Variants in NCF4 observed in about 807,000 individuals in gnomAD.
NCF4 encodes the protein neutrophil cytosol factor 4.
Under a neutral mutation model 41.7 loss-of-function variants are expected in NCF4, and 30 were observed. That is an observed-to-expected ratio of 0.72 (90% CI 0.54 to 0.97). The LOEUF (loss-of-function observed/expected upper bound fraction) is 0.97. Ranked by LOEUF, NCF4 falls within the 50% of genes least tolerant of loss-of-function variation. The probability of loss-of-function intolerance (pLI) is 0.00; values close to 1 mark genes in which losing one functional copy is unlikely to be tolerated. For synonymous variants in NCF4, 195 were observed against 175.8 expected, an observed-to-expected ratio of 1.11 and a Z score of -0.87; for missense variants, 432 against 460.9, an observed-to-expected ratio of 0.94 and a Z score of 0.57.
At chr22:36,863,964 T>C in intron 1 of NCF4, 81 bp from the exon 2 acceptor site, 3 of 1,335,522 alleles carry the variant, frequency 2.2e-6, no homozygotes, top group South Asian at 2.3e-5. Context: ...TTAGTTTGCT[T>C]TGCACTCTAC....
At chr22:36,875,577 C>A (rs532614397) in intron 7 of NCF4, 76 bp from the exon 8 acceptor site, 13 of 1,378,218 alleles carry the variant, frequency 9.4e-6, no homozygotes, top group Non-Finnish European at 1.2e-5. Context: ...ATCACTAGAA[C>A]GGGGCTGAGG....
At chr22:36,870,122 T>C (rs1035857898) in intron 4 of NCF4, 1 of 456,470 alleles carries the variant, frequency 2.2e-6, no homozygotes, top group Non-Finnish European at 4.1e-6. Context: ...GTCATGTTAG[T>C]TGTCATCACC....
rs567148251 is a variant in NCF4 at position 36,870,336 on chromosome 22, C to T, written c.343-79C>T. ...AGAGAGGAGGGCTGATGTCAGGGCTCGGGGACGGGACATCTAGGCTGGGGT... is the reference window on the plus strand; with the variant it reads ...AGAGAGGAGGGCTGATGTCAGGGCTTGGGGACGGGACATCTAGGCTGGGGT... On this transcript the variant is annotated intron_variant, in intron 4 of 9. Transcript: ENST00000248899. 2.0e-4 allele frequency: 320 copies of T among 1,598,886 alleles called. 9 individuals carry two copies. In the South Asian group the frequency reaches 3.4e-3, roughly 17 times the overall value.
At chr22:36,867,943 T>C (rs1939967446) in intron 4 of NCF4, among the ~76,000 whole-genome samples, 2 of 152,330 alleles carry the variant, frequency 1.3e-5, no homozygotes, top group South Asian at 4.1e-4. Flanking sequence ...CTGGGACAAC[T>C]CACTCCCTTA....
Position 36,872,343 on chromosome 22 carries a change from C to T in NCF4, c.545C>T (p.Thr182Ile), listed in dbSNP as rs992895115. Reference sequence around the variant, plus strand: ...TCTCCTCAGGCTCTATTTGACTTCACTGGAAACAGCAAACTGGAGCTGAAT... The same window carrying T: ...TCTCCTCAGGCTCTATTTGACTTCATTGGAAACAGCAAACTGGAGCTGAAT... ...APRAEALFDFTGNSKLELNFK... is the reference protein window; with the variant it reads ...APRAEALFDFIGNSKLELNFK... The change falls in exon 7 of 10, where the codon ACT becomes ATT. Residue 182 changes from threonine to isoleucine, a missense_variant. By Grantham distance (89) the Thr-to-Ile change is moderately conservative. Coordinates refer to ENST00000248899, the MANE Select transcript of NCF4 (RefSeq NM_000631.5). 1.2e-6 allele frequency: 2 copies of T among 1,611,206 alleles called. No homozygotes were observed. The highest frequency in any genetic ancestry group is 8.5e-7 in the Non-Finnish European group (1 of 1,177,352).
Position 36,874,485 on chromosome 22 carries a change from T to C in NCF4, c.628-1168T>C, listed in dbSNP as rs1476192989. Among the ~76,000 whole-genome samples the C allele has an allele frequency of 2.6e-5, 4 of 152,304 alleles. No homozygotes were observed. The East Asian group carries it at 7.7e-4, about 29-fold the overall frequency. On this transcript the variant is annotated intron_variant, in intron 7 of 9. Coordinates refer to ENST00000248899, the MANE Select transcript of NCF4 (RefSeq NM_000631.5). Reference sequence around the variant, plus strand: ...AGCAGTTTCCATTTTACCCTAATCATAGATCTCCATCTCAGGAACTCAGGG... The same window carrying C: ...AGCAGTTTCCATTTTACCCTAATCACAGATCTCCATCTCAGGAACTCAGGG...
intron 4 of NCF4, among the ~76,000 whole-genome samples, chr22:36,868,586 G>C (rs555513264): frequency 1.6e-4 from 24 of 151,896 alleles, no homozygotes; most frequent in South Asian, 6.2e-4. Flanking sequence ...GAGCTGGGTG[G>C]GCTCCAGCTG....
At chr22:36,869,517 G>A (rs772605933) in intron 4 of NCF4, among the ~76,000 whole-genome samples, 5 of 152,020 alleles carry the variant, frequency 3.3e-5, no homozygotes, top group East Asian at 1.9e-4. Flanking sequence ...AGTTCCTCTC[G>A]GACAAAGTTC....
At chr22:36,864,295 G>A (rs376037880) in intron 2 of NCF4, among the ~76,000 whole-genome samples, 166 bp downstream of exon 2, 2 of 152,164 alleles carry the variant, frequency 1.3e-5, no homozygotes, top group Admixed American at 1.3e-4. Context: ...TACCCTGGGA[G>A]ATTCTGATTA....
chr22:36,877,587 AC>A, intron 9 of NCF4, 40 bp from the exon 10 acceptor site: 1 of 1,609,090 alleles, frequency 6.2e-7, no homozygotes, highest in South Asian at 1.1e-5. Flanking sequence ...CCCCTACCTT[AC>A]GCTTAGGCCC....
In NCF4 at chr22:36,861,084, C is replaced by G; in HGVS notation, c.-88C>G. The G allele has an allele frequency of 6.6e-7, 1 of 1,514,688 alleles. No homozygotes were observed. Among genetic ancestry groups the G allele is most frequent in the Non-Finnish European group, 9.0e-7 (1 of 1,114,006 alleles). The allele number at this position is 1,514,688 out of a possible 1,614,324, so 93.8% of individuals were successfully genotyped here. A position where few individuals can be genotyped will look rare whatever the true frequency, so the allele number is the denominator to read the frequency against. The stretch of plus-strand genomic sequence containing the variant: ...CAGGACCACAGGCTGAGACGAGACG[C>G]AGGGTGGCTGGAGGAAGTGAGAGGT... On this transcript the variant is annotated 5_prime_UTR_variant, in exon 1 of 10. Coordinates refer to ENST00000248899, the MANE Select transcript of NCF4 (RefSeq NM_000631.5).
chr22:36,869,921 G>A (rs748772118), intron 4 of NCF4, among the ~76,000 whole-genome samples: 19 of 150,224 alleles, frequency 1.3e-4, no homozygotes, highest in South Asian at 2.1e-4. Context: ...CCCCACCCCC[G>A]CCAACTGTTG....
rs1001835888 is a variant in NCF4, at chr22:36,864,080, C to T, written c.68C>T (p.Ser23Leu). The change falls in exon 2 of 10, where the codon TCG (serine) becomes TTG (leucine). Residue 23 changes from serine to leucine, a missense_variant. Physicochemically the swap from Ser to Leu is moderately radical, Grantham distance 145. Coordinates refer to ENST00000248899, the MANE Select transcript of NCF4 (RefSeq NM_000631.5). The part of the protein sequence containing the change: ...FEQLPDDVAI[S>L]ANIADIEEKR... The stretch of plus-strand genomic sequence containing the variant: ...CAGCTTCCGGATGATGTTGCCATCT[C>T]GGCCAACATTGCTGACATCGAGGAG... The T allele has an allele frequency of 1.9e-6, 3 of 1,614,176 alleles. No individual in the cohort carries two copies. The highest frequency in any genetic ancestry group is 1.7e-6 in the Non-Finnish European group (2 of 1,180,008).
intron 7 of NCF4, 139 bp from the exon 8 acceptor site, chr22:36,875,514 G>A (rs1940171468): frequency 2.6e-6 from 2 of 776,980 alleles, no homozygotes; most frequent in East Asian, 2.6e-5. Flanking sequence ...GAACTTCCTC[G>A]CTTTCCCTCC....
At chr22:36,866,870 C>A (rs1291294171) in intron 3 of NCF4, among the ~76,000 whole-genome samples, 1 of 152,088 alleles carries the variant, frequency 6.6e-6, no homozygotes, top group East Asian at 1.9e-4. Flanking sequence ...GATTCTAGAC[C>A]CATGGTTCTT....
At chr22:36,866,359 G>C (rs1332098187) in intron 3 of NCF4, among the ~76,000 whole-genome samples, 1 of 151,966 alleles carries the variant, frequency 6.6e-6, no homozygotes, top group Non-Finnish European at 1.5e-5. Context: ...CCTCTGTTAA[G>C]CTTTCTCCAA....
intron 5 of NCF4, 100 bp from the exon 6 acceptor site, chr22:36,871,552 C>A: frequency 7.5e-7 from 1 of 1,332,512 alleles, no homozygotes; most frequent in Non-Finnish European, 1.1e-6. Flanking sequence ...GTCTCCTCTG[C>A]CTTCCCTGCT....
At chr22:36,868,210 G>A (rs543119617) in intron 4 of NCF4, among the ~76,000 whole-genome samples, 4 of 152,352 alleles carry the variant, frequency 2.6e-5, no homozygotes, top group South Asian at 4.1e-4. Flanking sequence ...GCTGGCAAGC[G>A]AAGCCCTCCT....
chr22:36,876,061 C>G lies in NCF4; in HGVS notation c.791C>G (p.Thr264Ser). 16 of 1,611,668 alleles carry G rather than the reference C, an allele frequency of 9.9e-6. No individual in the cohort carries two copies. Among genetic ancestry groups the G allele is most frequent in the Non-Finnish European group, 1.4e-5 (16 of 1,178,286 alleles). The change falls in exon 9 of 10, where the codon ACT (threonine) becomes AGT (serine). Residue 264 changes from threonine (T) to serine (S), a missense_variant. Physicochemically the swap from Thr to Ser is moderately conservative, Grantham distance 58 (BLOSUM62 1). Transcript: ENST00000248899. ...DIAVEEDLSSTPLLKDLLELT... is the reference protein window; with the variant it reads ...DIAVEEDLSSSPLLKDLLELT... ...GCGGTGGAGGAAGATCTCAGCAGCACTCCCCTATTGAAAGACCTGCTGGAG... is the reference window on the plus strand; with the variant it reads ...GCGGTGGAGGAAGATCTCAGCAGCAGTCCCCTATTGAAAGACCTGCTGGAG...
Sources: allele counts gnomAD v4.1 joint callset (sites outside exome capture counted in the v4.1 genomes callset), GRCh38; gene constraint gnomAD v4.1.1; transcripts MANE v1.5; gene names NCBI Gene and HGNC (gene_info 2026-07-23, HGNC 2026-07-21).